The following ATG5 variants were observed in gnomAD, a reference collection of about 807,000 sequenced individuals.
The protein encoded by ATG5 is autophagy protein 5.
Under a neutral mutation model 36.5 loss-of-function variants are expected in ATG5, and 14 were observed. The ratio of observed to expected loss-of-function variants is 0.38; its 90% CI spans 0.25 to 0.60. The LOEUF (loss-of-function observed/expected upper bound fraction) is 0.60, where lower values mean the gene tolerates loss of function less well. Ranked by LOEUF, ATG5 falls within the 20% of genes least tolerant of loss-of-function variation. The probability of loss-of-function intolerance (pLI) is 0.60; values close to 1 mark genes in which losing one functional copy is unlikely to be tolerated. For missense variants in ATG5, 195 were observed against 326.7 expected (o/e 0.60, Z 3.11); for synonymous variants, 95 against 101.5 (o/e 0.94, Z 0.38).
chr6:106,290,478 G>A (rs1050886366), intron 4 of ATG5, among the ~76,000 whole-genome samples: 18 of 151,630 alleles, frequency 1.2e-4, no homozygotes, highest in Non-Finnish European at 2.4e-4. Context: ...ACACCACTGC[G>A]CCCAGCTAAT....
At chr6:106,316,362 G>T in intron 1 of ATG5, 96 bp from the exon 2 acceptor site, 3 of 415,534 alleles carry the variant, frequency 7.2e-6, no homozygotes, top group African/African-American at 2.1e-5. Flanking sequence ...ATGCCATAAA[G>T]ATTATCCACT....
At position 106,323,911 on chromosome 6, in the gene ATG5, G is replaced by A. The variant is rs946778348; in HGVS notation, c.-59+1615C>T. 4.6e-5 allele frequency among the ~76,000 whole-genome samples: 7 copies of A among 152,164 alleles called. No homozygotes were observed. The East Asian group carries it at 1.2e-3, about 25-fold the overall frequency. ...AGTATCCACTACTTCTTTCCCTCTT[G>A]TTCATTATTTTCCAGTCAAACTAGC... On this transcript the variant is annotated intron_variant, in intron 1 of 7. Coordinates refer to ENST00000369076, the MANE Select transcript of ATG5 (RefSeq NM_004849.4).
chr6:106,238,046 C>G (rs1432548850), intron 6 of ATG5, among the ~76,000 whole-genome samples: 1 of 152,154 alleles, frequency 6.6e-6, no homozygotes, highest in Non-Finnish European at 1.5e-5. Context: ...TTTAACATAC[C>G]AGTATTTATC....
intron 1 of ATG5, among the ~76,000 whole-genome samples, chr6:106,317,255 T>C (rs1438420560): frequency 3.9e-5 from 6 of 152,236 alleles, no homozygotes; most frequent in African/African-American, 2.4e-5. Context: ...TAAGATTCAA[T>C]ATACTTATCC....
intron 5 of ATG5, among the ~76,000 whole-genome samples, chr6:106,272,018 GT>G (rs1400019550): frequency 2.6e-5 from 4 of 152,188 alleles, no homozygotes; most frequent in African/African-American, 9.7e-5. Flanking sequence ...CATCCAATCA[GT>G]GAGGACTTCC....
chr6:106,265,222 A>T (rs1411288173), intron 5 of ATG5, among the ~76,000 whole-genome samples: 1 of 151,946 alleles, frequency 6.6e-6, no homozygotes, highest in East Asian at 1.9e-4. Context: ...GATAAAACAG[A>T]CTTTAAACCA....
intron 1 of ATG5, among the ~76,000 whole-genome samples, chr6:106,322,489 C>T (rs1041185449): frequency 3.9e-5 from 6 of 152,184 alleles, no homozygotes; most frequent in Non-Finnish European, 8.8e-5. Context: ...TATTCTCCCA[C>T]TTTCCTACAT....
At chr6:106,315,750 ATCT>A (rs984274450) in intron 2 of ATG5, among the ~76,000 whole-genome samples, 1 of 152,182 alleles carries the variant, frequency 6.6e-6, no homozygotes, top group African/African-American at 2.4e-5. Flanking sequence ...AAAAAAGCAC[ATCT>A]TATTATTCCA....
rs931242556 is a variant in ATG5 at position 106,212,487 on chromosome 6, A to C, written c.574-10398T>G. On this transcript the variant is annotated intron_variant, in intron 6 of 7. Coordinates refer to ENST00000369076, the MANE Select transcript of ATG5 (RefSeq NM_004849.4). ...GAACCCGTCTCTAACAAAAATACAA[A>C]AATTAGCCGGGCGCTGTGGCGGGTG... Among the ~76,000 whole-genome samples, 8 of 152,168 alleles carry C rather than the reference A, an allele frequency of 5.3e-5. No homozygotes were observed. In the East Asian group the frequency reaches 1.5e-3, roughly 29 times the overall value.
At chr6:106,260,545 G>T (rs1189459929) in intron 5 of ATG5, among the ~76,000 whole-genome samples, 1 of 152,168 alleles carries the variant, frequency 6.6e-6, no homozygotes, top group African/African-American at 2.4e-5. Flanking sequence ...TATTTTAGAT[G>T]AACAAACGTG....
At position 106,308,347 on chromosome 6, in the gene ATG5, CA is replaced by C. The variant is rs1256611723; in HGVS notation, c.236+16del. 6.5e-7 allele frequency: 1 copy of C among 1,543,534 alleles called. No homozygotes were observed. Among genetic ancestry groups the C allele is most frequent in the African/African-American group, 1.4e-5 (1 of 71,032 alleles). On this transcript the variant is annotated intron_variant, in intron 3 of 7. Transcript: ENST00000369076. ...AGTATATACTTAATGCTTAATAATG[CA>C]GAAAAATTCACTCACCATTTCAGTG...
chr6:106,245,014 G>A (rs1428251968), intron 6 of ATG5, among the ~76,000 whole-genome samples: 1 of 152,016 alleles, frequency 6.6e-6, no homozygotes, highest in Non-Finnish European at 1.5e-5. Context: ...TAACATTTTG[G>A]TTACATTCTG....
At chr6:106,320,870 G>T (rs1250125332) in intron 1 of ATG5, among the ~76,000 whole-genome samples, 1 of 152,186 alleles carries the variant, frequency 6.6e-6, no homozygotes, top group Non-Finnish European at 1.5e-5. Context: ...GCACAGAAGG[G>T]AGAGCCTTGA....
intron 5 of ATG5, among the ~76,000 whole-genome samples, chr6:106,270,544 A>G (rs1439846035): frequency 1.3e-5 from 2 of 152,236 alleles, no homozygotes; most frequent in African/African-American, 4.8e-5. Context: ...ATTCACTGCC[A>G]TATTCCTGAA....
intron 6 of ATG5, among the ~76,000 whole-genome samples, chr6:106,247,232 T>C (rs1255167243): frequency 6.6e-6 from 1 of 152,230 alleles, no homozygotes; most frequent in African/African-American, 2.4e-5. Context: ...GATTAGAGTC[T>C]AAGCCTGTGA....
intron 6 of ATG5, among the ~76,000 whole-genome samples, chr6:106,207,449 C>T (rs915123187): frequency 9.9e-5 from 15 of 151,316 alleles, no homozygotes; most frequent in African/African-American, 3.6e-4. Context: ...GCCTGTAATC[C>T]CAGCACTTCA....
chr6:106,297,385 T>C (rs1669688600), intron 3 of ATG5, among the ~76,000 whole-genome samples: 1 of 152,164 alleles, frequency 6.6e-6, no homozygotes, highest in African/African-American at 2.4e-5. Context: ...TAATTGGTGT[T>C]GATTCACATA....
chr6:106,233,736 C>T (rs1380937471), intron 6 of ATG5, among the ~76,000 whole-genome samples: 5 of 152,086 alleles, frequency 3.3e-5, no homozygotes, highest in South Asian at 2.1e-4. Flanking sequence ...GTCAGACAAC[C>T]GTGAGGAAAG....
intron 6 of ATG5, among the ~76,000 whole-genome samples, chr6:106,242,390 T>C (rs572134718): frequency 6.6e-6 from 1 of 152,266 alleles, no homozygotes; most frequent in East Asian, 1.9e-4. Context: ...TCCTCTTGTA[T>C]GAGGTACCTA....
Sources: allele counts gnomAD v4.1 joint callset (sites outside exome capture counted in the v4.1 genomes callset), GRCh38; gene constraint gnomAD v4.1.1; transcripts MANE v1.5; gene names NCBI Gene and HGNC (gene_info 2026-07-23, HGNC 2026-07-21).